Variants in HDAC9 observed in about 807,000 individuals in gnomAD.
HDAC9 encodes histone deacetylase 9.
Under a neutral mutation model 139.4 loss-of-function variants are expected in HDAC9, and 41 were observed. The observed-to-expected ratio is 0.29, with a 90% CI of 0.23 to 0.38. The LOEUF (loss-of-function observed/expected upper bound fraction) is 0.38, where lower values mean the gene tolerates loss of function less well. Among genes scored for constraint, HDAC9 ranks in the 10% least tolerant of loss-of-function variants. The pLI, the probability that HDAC9 is intolerant of heterozygous loss-of-function variation, is 1.00. For synonymous variants in HDAC9, 517 were observed against 476.2 expected (o/e 1.09, Z -1.12); for missense variants, 1,147 against 1,297.0 (o/e 0.88, Z 1.78).
chr7:18,270,206 A>G (rs1325548615), intron 2 of HDAC9, among the ~76,000 whole-genome samples: 2 of 151,000 alleles, frequency 1.3e-5, no homozygotes, highest in Non-Finnish European at 2.9e-5. Context: ...AGCAAGTGGT[A>G]TTGGTTCTCG....
intron 20 of HDAC9, 53 bp downstream of exon 20, chr7:18,835,639 G>A: frequency 6.2e-7 from 1 of 1,600,036 alleles, no homozygotes; most frequent in Non-Finnish European, 8.6e-7. Flanking sequence ...TCAGGTAATT[G>A]CATTGCATGA....
intron 12 of HDAC9, among the ~76,000 whole-genome samples, chr7:18,676,209 A>T (rs1039456240): frequency 6.6e-6 from 1 of 151,862 alleles, no homozygotes; most frequent in African/African-American, 2.4e-5. Context: ...TTTCTTTCTT[A>T]TTTTTATTTT....
intron 10 of HDAC9, 118 bp from the exon 11 acceptor site, chr7:18,648,348 G>A (rs1788078297): frequency 3.5e-6 from 3 of 848,640 alleles, no homozygotes; most frequent in Non-Finnish European, 5.5e-6. Flanking sequence ...TTTTCTTACA[G>A]TTTATACCAT....
At chr7:18,126,226 C>T (rs1784659879) in intron 1 of HDAC9, among the ~76,000 whole-genome samples, 1 of 152,080 alleles carries the variant, frequency 6.6e-6, no homozygotes. Flanking sequence ...TTCTTATAGC[C>T]AATTTAGAAT....
At position 18,998,939 on chromosome 7, in the gene HDAC9, T is replaced by C. The variant is rs1786610639; in HGVS notation, c.*2877T>C. ...CCCAATTGTATAATTTGGGGCTGTATATTAAACTAAAAAACACAGACAGTT... is the reference window on the plus strand; with the variant it reads ...CCCAATTGTATAATTTGGGGCTGTACATTAAACTAAAAAACACAGACAGTT... On this transcript the variant is annotated 3_prime_UTR_variant, in exon 26 of 26. Coordinates refer to ENST00000686413, the MANE Select transcript of HDAC9 (RefSeq NM_178425.4). 6.6e-6 allele frequency: 1 copy of C among 152,196 alleles called. No homozygotes were observed. Among genetic ancestry groups the C allele is most frequent in the Admixed American group, 6.5e-5 (1 of 15,276 alleles). 9.4% of individuals were successfully genotyped at this position (152,196 alleles called of 1,614,324 possible).
At chr7:18,174,915 G>A (rs1037116357) in intron 2 of HDAC9, among the ~76,000 whole-genome samples, 2 of 152,216 alleles carry the variant, frequency 1.3e-5, no homozygotes, top group African/African-American at 4.8e-5. Flanking sequence ...GGCGGCCAGG[G>A]ACCCACTTGA....
At chr7:18,262,466 GT>G (rs1351264876) in intron 2 of HDAC9, among the ~76,000 whole-genome samples, 1 of 152,172 alleles carries the variant, frequency 6.6e-6, no homozygotes, top group Non-Finnish European at 1.5e-5. Context: ...TAGTAGACCT[GT>G]TCTACAAGAA....
chr7:18,256,800 A>G (rs555862537), intron 2 of HDAC9, among the ~76,000 whole-genome samples: 1 of 152,256 alleles, frequency 6.6e-6, no homozygotes, highest in East Asian at 1.9e-4. Context: ...TAAAATACAT[A>G]AATGTGGCTG....
Position 18,525,616 on chromosome 7 carries a change from C to A in HDAC9, c.22+29292C>A, listed in dbSNP as rs574997923. Among the ~76,000 whole-genome samples the A allele has an allele frequency of 2.0e-4, 30 of 152,072 alleles. No individual in the cohort carries two copies. The South Asian group carries it at 6.2e-3, about 32-fold the overall frequency. On this transcript the variant is annotated intron_variant, in intron 2 of 25. Coordinates refer to ENST00000686413, the MANE Select transcript of HDAC9 (RefSeq NM_178425.4). ...TTTAAAAGCTACTGTTTATATAGTC[C>A]TAGTTCCCAGTTTTTCATATATACT...
intron 24 of HDAC9, among the ~76,000 whole-genome samples, chr7:18,964,189 C>A (rs770905226): frequency 1.3e-5 from 2 of 152,146 alleles, no homozygotes; most frequent in Non-Finnish European, 2.9e-5. Flanking sequence ...ACTCTTGACC[C>A]AACTTACCTT....
rs1249177084 is a variant in HDAC9, at chr7:18,886,880, G to A, written c.2803+12284G>A. On this transcript the variant is annotated intron_variant, in intron 22 of 25. Transcript: ENST00000686413. ...TCCTTGGCCTGACATCTCCATAACC[G>A]TAGATTTTGACCCTTTATTATGATG... Among the ~76,000 whole-genome samples the A allele has an allele frequency of 5.9e-5, 9 of 152,120 alleles. No homozygotes were observed. The East Asian group carries it at 7.7e-4, about 13-fold the overall frequency.
chr7:18,774,512 A>G (rs1202249641), intron 16 of HDAC9, among the ~76,000 whole-genome samples: 4 of 152,072 alleles, frequency 2.6e-5, no homozygotes, highest in Admixed American at 2.6e-4. Context: ...TTATGTTTAT[A>G]CTGTCCTGTA....
chr7:18,723,599 T>C (rs1785300129), intron 12 of HDAC9, among the ~76,000 whole-genome samples: 1 of 152,202 alleles, frequency 6.6e-6, no homozygotes, highest in South Asian at 2.1e-4. Context: ...TGCTGCTTAC[T>C]GAATTGTGAA....
chr7:18,821,855 T>A lies in HDAC9; in HGVS notation c.2323-7306T>A, dbSNP rs866912173. Among the ~76,000 whole-genome samples the A allele has an allele frequency of 7.9e-5, 12 of 152,314 alleles. No homozygotes were observed. In the Middle Eastern group the frequency reaches 0.01, roughly 130 times the overall value. ...GTTATTACAACCCCCTCTTTGTGTT[T>A]GATTATGCTAGGATAACTTCCAGAA... is the stretch of plus-strand genomic sequence containing the variant. On this transcript the variant is annotated intron_variant, in intron 17 of 25. Transcript: ENST00000686413.
At chr7:18,581,836 A>G (rs1375881837) in intron 2 of HDAC9, among the ~76,000 whole-genome samples, 1 of 152,220 alleles carries the variant, frequency 6.6e-6, no homozygotes, top group Non-Finnish European at 1.5e-5. Context: ...TCTAATTTGC[A>G]TCTGAACTTG....
At chr7:18,432,583 A>G (rs1037205749) in intron 1 of HDAC9, among the ~76,000 whole-genome samples, 1 of 152,204 alleles carries the variant, frequency 6.6e-6, no homozygotes, top group Non-Finnish European at 1.5e-5. Flanking sequence ...TTCCCCTATA[A>G]TTGGGAATAG....
intron 24 of HDAC9, among the ~76,000 whole-genome samples, chr7:18,965,383 G>A (rs944457802): frequency 2.6e-5 from 4 of 152,190 alleles, no homozygotes; most frequent in Admixed American, 2.6e-4. Flanking sequence ...CATTGACAGA[G>A]AGGACGCTTG....
At chr7:18,349,282 A>G (rs896914392) in intron 1 of HDAC9, among the ~76,000 whole-genome samples, 2 of 148,056 alleles carry the variant, frequency 1.4e-5, no homozygotes, top group African/African-American at 5.1e-5. Context: ...GTCTTTCCAG[A>G]TGACCTCCCA....
At chr7:18,764,786 G>A (rs1789683872) in intron 15 of HDAC9, among the ~76,000 whole-genome samples, 1 of 152,178 alleles carries the variant, frequency 6.6e-6, no homozygotes, top group Admixed American at 6.5e-5. Flanking sequence ...ACACATATGG[G>A]AGATGTCTTT....
Sources: allele counts gnomAD v4.1 joint callset (sites outside exome capture counted in the v4.1 genomes callset), GRCh38; gene constraint gnomAD v4.1.1; transcripts MANE v1.5; gene names NCBI Gene and HGNC (gene_info 2026-07-23, HGNC 2026-07-21).